The following AKAP12 variants were observed in gnomAD, a reference collection of about 807,000 sequenced individuals.
AKAP12 encodes the protein A-kinase anchoring protein 12, also known as A-kinase anchor protein 12.
A neutral mutation model predicts 79.9 loss-of-function variants in AKAP12; 32 were observed. That is an observed-to-expected ratio of 0.40 (90% CI 0.30 to 0.54). AKAP12 has a LOEUF of 0.54. Ranked by LOEUF, AKAP12 falls within the 20% of genes least tolerant of loss-of-function variation. AKAP12 has a pLI of 0.48. For synonymous variants in AKAP12, 808 were observed against 857.0 expected (o/e 0.94, Z 1.00); for missense variants, 2,074 against 2,177.0 (o/e 0.95, Z 0.94).
chr6:151,308,958 T>G (rs1367490379), intron 3 of AKAP12, among the ~76,000 whole-genome samples: 1 of 152,206 alleles, frequency 6.6e-6, no homozygotes, highest in African/African-American at 2.4e-5. Flanking sequence ...CACTGCAGTT[T>G]CCATCTCCCG....
At chr6:151,320,322 G>A (rs1777345922) in intron 3 of AKAP12, among the ~76,000 whole-genome samples, 2 of 151,842 alleles carry the variant, frequency 1.3e-5, no homozygotes, top group South Asian at 2.1e-4. Flanking sequence ...ATCTTGCTGT[G>A]TTGCCCAGGC....
rs1778470449 is a variant in AKAP12 at position 151,357,462 on chromosome 6, T to TG, written c.*1750dup. 6.6e-6 allele frequency: 1 copy of TG among 152,224 alleles called. No individual in the cohort carries two copies. Among genetic ancestry groups the TG allele is most frequent in the Non-Finnish European group, 1.5e-5 (1 of 68,042 alleles). 9.4% of individuals were successfully genotyped at this position (152,224 alleles called of 1,614,324 possible). A position where few individuals can be genotyped will look rare whatever the true frequency, so the allele number is the denominator to read the frequency against. ...ATTTAAATTTTGACTGCTGATTAGC[T>TG]GGAAAGCCTAGTTTTAATGGAAAGA... On this transcript the variant is annotated 3_prime_UTR_variant, in exon 5 of 5. Transcript: ENST00000402676.
intron 3 of AKAP12, among the ~76,000 whole-genome samples, chr6:151,335,181 A>G (rs1777780883): frequency 1.3e-5 from 2 of 152,210 alleles, no homozygotes; most frequent in Non-Finnish European, 2.9e-5. Flanking sequence ...TTCAGAAAAC[A>G]ACACAAATAG....
intron 2 of AKAP12, among the ~76,000 whole-genome samples, chr6:151,254,523 G>GT (rs1342980218): frequency 6.6e-6 from 1 of 152,078 alleles, no homozygotes; most frequent in Non-Finnish European, 1.5e-5. Context: ...GGCTAATTTT[G>GT]TATTTTTAGT....
rs767790053 is a variant in AKAP12, at chr6:151,350,079, G to A, written c.1688G>A (p.Gly563Asp). Residue 563 changes from glycine (G) to aspartate (D), a missense_variant, in exon 4 of 5, where the codon GGC becomes GAC. Physicochemically the swap from Gly to Asp is moderately conservative, Grantham distance 94. Transcript: ENST00000402676. This position sits in a 1 kb window ranked among gnomAD's most constrained non-coding sequence, Gnocchi z 4.8. Reference protein sequence around the residue: ...DSPDSQEEQKGESSASSPEEP... With the variant: ...DSPDSQEEQKDESSASSPEEP... ...CCGGACAGCCAGGAGGAGCAAAAGGGCGAGAGCTCTGCCTCATCCCCTGAG... is the reference window on the plus strand; with the variant it reads ...CCGGACAGCCAGGAGGAGCAAAAGGACGAGAGCTCTGCCTCATCCCCTGAG... 6.2e-7 allele frequency: 1 copy of A among 1,614,130 alleles called. No individual in the cohort carries two copies.
intron 2 of AKAP12, among the ~76,000 whole-genome samples, chr6:151,266,243 T>C (rs1221767692): frequency 6.6e-6 from 1 of 152,276 alleles, no homozygotes; most frequent in East Asian, 1.9e-4. Flanking sequence ...TAGCTGATGC[T>C]GGATCACATA....
intron 2 of AKAP12, among the ~76,000 whole-genome samples, chr6:151,285,958 A>T (rs1223273768): frequency 6.6e-6 from 1 of 151,774 alleles, no homozygotes; most frequent in East Asian, 1.9e-4. Context: ...GTTCTCTGCA[A>T]CCTTCGCCTC....
intron 3 of AKAP12, chr6:151,348,474 A>C (rs2114821392): frequency 1.7e-6 from 1 of 581,378 alleles, no homozygotes; most frequent in African/African-American, 1.9e-5. Flanking sequence ...TCTCATCTCT[A>C]CAGAAAATAA....
chr6:151,350,875 TGAAGACGCAGGGCCAACAGGGGCCAAC>T lies in AKAP12; in HGVS notation c.2490_2516del (p.Ala831_Asp839del). On this transcript the variant is annotated inframe_deletion, in exon 4 of 5. Transcript: ENST00000402676. The surrounding 1 kb of genome is among the most constrained non-coding windows in gnomAD (Gnocchi z 4.8). ...ATGGGAAACAAGAACAAGCCCCTGT[TGAAGACGCAGGGCCAACAGGGGCCAAC>T]GAAGATGACTCTGATGTCCCGGCCG... 6.2e-7 allele frequency: 1 copy of T among 1,614,088 alleles called. No homozygotes were observed. Among genetic ancestry groups the T allele is most frequent in the South Asian group, 1.1e-5 (1 of 91,074 alleles).
chr6:151,279,234 T>C (rs1011863274), intron 2 of AKAP12, among the ~76,000 whole-genome samples: 3 of 152,116 alleles, frequency 2.0e-5, no homozygotes, highest in Admixed American at 1.3e-4. Context: ...TATTCCCTGG[T>C]CTCATCAAAA....
chr6:151,306,285 G>T (rs1042248868), intron 3 of AKAP12, among the ~76,000 whole-genome samples: 2 of 152,164 alleles, frequency 1.3e-5, no homozygotes, highest in African/African-American at 2.4e-5. Flanking sequence ...TGCAAGGCAC[G>T]TACCCCTCTT....
chr6:151,324,445 G>T, intron 3 of AKAP12: 1 of 985,238 alleles, frequency 1.0e-6, no homozygotes, highest in Non-Finnish European at 1.2e-6. Context: ...GCAACTACGT[G>T]CCATGCCAGC....
Position 151,352,184 on chromosome 6 carries a change from CAA to C in AKAP12, c.3794_3795del (p.Gln1265ArgfsTer3). 1.9e-6 allele frequency: 3 copies of C among 1,614,124 alleles called. No individual in the cohort carries two copies. Among genetic ancestry groups the C allele is most frequent in the Non-Finnish European group, 2.5e-6 (3 of 1,180,036 alleles). On this transcript the variant is annotated frameshift_variant, in exon 4 of 5. Transcript: ENST00000402676. LOFTEE classifies it low-confidence loss of function (END_TRUNC). Reference sequence around the variant, plus strand: ...CATTCTGTCAAAGACTGAGGGGACTCAAGAGGCTGACCAGTATGCTGATGAGA... The same window carrying C: ...CATTCTGTCAAAGACTGAGGGGACTCGAGGCTGACCAGTATGCTGATGAGA... Reference protein sequence around the residue: ...VSILSKTEGTQEADQYADEKT... With the variant: ...VSILSKTEGTXEADQYADEKT...
At chr6:151,273,395 G>A (rs1270062938) in intron 2 of AKAP12, among the ~76,000 whole-genome samples, 1 of 152,212 alleles carries the variant, frequency 6.6e-6, no homozygotes, top group Non-Finnish European at 1.5e-5. Flanking sequence ...TACTATGGTA[G>A]TTTCATACCG....
At chr6:151,250,168 C>A (rs1375633345) in intron 2 of AKAP12, among the ~76,000 whole-genome samples, 2 of 150,386 alleles carry the variant, frequency 1.3e-5, no homozygotes, top group African/African-American at 4.9e-5. Flanking sequence ...TCACTAGAGC[C>A]CGGGAAGTTG....
chr6:151,250,203 AAAAT>A (rs1582831877), intron 2 of AKAP12, among the ~76,000 whole-genome samples: 4 of 152,244 alleles, frequency 2.6e-5, no homozygotes, highest in South Asian at 2.1e-4. Flanking sequence ...CTGTCTCAAA[AAAAT>A]AAATAAATAG....
At chr6:151,303,054 G>A (rs1016189239) in intron 2 of AKAP12, among the ~76,000 whole-genome samples, 3 of 152,104 alleles carry the variant, frequency 2.0e-5, no homozygotes, top group African/African-American at 4.8e-5. Context: ...TTAGCTGGGC[G>A]CAGTGGCAGG....
Position 151,351,871 on chromosome 6 carries a change from T to C in AKAP12, c.3480T>C (p.Pro1160=), listed in dbSNP as rs1264808535. Reference sequence around the variant, plus strand: ...TGGTGATGGAACAGGCTATCCCCCCTGACTCGGTGGAAACCCCTACAGACA... The same window carrying C: ...TGGTGATGGAACAGGCTATCCCCCCCGACTCGGTGGAAACCCCTACAGACA... The part of the protein sequence containing the change: ...QEMVMEQAIP[P]DSVETPTDSE... The change falls in exon 4 of 5, where the codon CCT becomes CCC. Residue 1160 remains proline (P), a synonymous_variant. Transcript: ENST00000402676. This position sits in a 1 kb window ranked among gnomAD's most constrained non-coding sequence, Gnocchi z 4.4. The C allele has an allele frequency of 2.5e-6, 4 of 1,613,568 alleles. No individual in the cohort carries two copies. The highest frequency in any genetic ancestry group is 1.6e-4 in the Middle Eastern group (1 of 6,084).
chr6:151,242,062 G>C (rs1796987644), intron 2 of AKAP12, among the ~76,000 whole-genome samples: 1 of 152,140 alleles, frequency 6.6e-6, no homozygotes, highest in Non-Finnish European at 1.5e-5. Context: ...GGAATGTACT[G>C]TCCTTTTGAG....
Sources: gnomAD v4.1 joint callset for allele counts (sites outside exome capture counted in the v4.1 genomes callset) on GRCh38, gnomAD v4.1.1 for gene constraint, Gnocchi (gnomAD v3.1) non-coding constraint, MANE v1.5 for transcripts, NCBI Gene and HGNC (gene_info 2026-07-23, HGNC 2026-07-21) for gene names.